The following EFHD1 variants were observed in gnomAD, a reference collection of about 807,000 sequenced individuals.
EFHD1 encodes EF-hand domain family member D1.
EFHD1 carries 10 observed loss-of-function variants against 17.2 expected under a neutral mutation model. That is an observed-to-expected ratio of 0.58 (90% CI 0.36 to 0.99). EFHD1 has a LOEUF of 0.99. Ranked by LOEUF, EFHD1 falls within the 50% of genes least tolerant of loss-of-function variation. EFHD1 has a pLI of 0.01. For missense variants in EFHD1, 310 were observed against 327.5 expected (o/e 0.95, Z 0.41); for synonymous variants, 153 against 142.0 (o/e 1.08, Z -0.55).
At chr2:232,662,387 G>T (rs758526407) in intron 1 of EFHD1, among the ~76,000 whole-genome samples, 1 of 152,168 alleles carries the variant, frequency 6.6e-6, no homozygotes, top group Non-Finnish European at 1.5e-5. Flanking sequence ...TGACCAGGAG[G>T]AGGCTCCTGG....
intron 2 of EFHD1, among the ~76,000 whole-genome samples, chr2:232,664,299 C>T (rs1166617708): frequency 2.6e-5 from 4 of 151,226 alleles, no homozygotes; most frequent in Admixed American, 6.6e-5. Context: ...CCACCATGCC[C>T]GGCTAATTGA....
At chr2:232,639,071 G>A (rs1295304510) in intron 1 of EFHD1, among the ~76,000 whole-genome samples, 1 of 152,164 alleles carries the variant, frequency 6.6e-6, no homozygotes, top group Non-Finnish European at 1.5e-5. Context: ...GGAGCTGGAA[G>A]GAGCTTCCAC....
intron 1 of EFHD1, among the ~76,000 whole-genome samples, chr2:232,651,277 T>G (rs1694649659): frequency 6.6e-6 from 1 of 152,224 alleles, no homozygotes; most frequent in Non-Finnish European, 1.5e-5. Flanking sequence ...TCTGTGGGGT[T>G]CCCTTTCTAC....
chr2:232,618,738 T>A (rs11693799), intron 1 of EFHD1, among the ~76,000 whole-genome samples: 64,410 of 146,244 alleles, frequency 0.44, 15,009 homozygotes, highest in Middle Eastern at 0.6. Flanking sequence ...AAAAAAAAAA[T>A]TTTGAAAAAA....
At chr2:232,606,254 G>A in intron 1 of EFHD1, 4 of 1,484,752 alleles carry the variant, frequency 2.7e-6, no homozygotes, top group Non-Finnish European at 2.8e-6. Context: ...CTCTGGTCCA[G>A]AATAGGTGCG....
At chr2:232,668,265 A>G (rs1220646665) in intron 2 of EFHD1, among the ~76,000 whole-genome samples, 2 of 152,260 alleles carry the variant, frequency 1.3e-5, no homozygotes, top group Non-Finnish European at 2.9e-5. Flanking sequence ...GGCATGCTTC[A>G]TGGAAGTCTG....
chr2:232,643,543 C>T (rs1203088329), intron 1 of EFHD1, among the ~76,000 whole-genome samples: 1 of 151,288 alleles, frequency 6.6e-6, no homozygotes, highest in Admixed American at 6.6e-5. Context: ...CACCCCAACA[C>T]CTGGCTAATT....
intron 1 of EFHD1, among the ~76,000 whole-genome samples, chr2:232,613,442 C>T (rs1218103131): frequency 6.6e-6 from 1 of 152,032 alleles, no homozygotes. Flanking sequence ...AGCATATGTC[C>T]ACACAAAGAC....
At chr2:232,606,560 G>T (rs189956672) in intron 1 of EFHD1, 171 of 329,678 alleles carry the variant, frequency 5.2e-4, no homozygotes, top group Admixed American at 8.2e-4. Flanking sequence ...GGGACCCTGA[G>T]CAGGTTCCTC....
chr2:232,636,998 G>C (rs1694330380), intron 1 of EFHD1, among the ~76,000 whole-genome samples: 1 of 152,080 alleles, frequency 6.6e-6, no homozygotes, highest in Non-Finnish European at 1.5e-5. Context: ...GCCCTTCCGG[G>C]TTCTGCGGAA....
At chr2:232,636,969 C>T (rs926036841) in intron 1 of EFHD1, among the ~76,000 whole-genome samples, 3 of 152,114 alleles carry the variant, frequency 2.0e-5, no homozygotes, top group African/African-American at 2.4e-5. Context: ...TTCCGGGTCC[C>T]CGTGGGACTG....
At chr2:232,652,656 A>T (rs1294019711) in intron 1 of EFHD1, among the ~76,000 whole-genome samples, 1 of 152,136 alleles carries the variant, frequency 6.6e-6, no homozygotes, top group Non-Finnish European at 1.5e-5. Context: ...GATCAAAAGG[A>T]TCAGTACATG....
intron 1 of EFHD1, among the ~76,000 whole-genome samples, chr2:232,625,619 A>G (rs963216216): frequency 2.6e-5 from 4 of 152,228 alleles, no homozygotes; most frequent in African/African-American, 9.6e-5. Flanking sequence ...GATGCTACAC[A>G]CAGAGAACAG....
chr2:232,672,314 G>T lies in EFHD1; in HGVS notation c.456G>T (p.Leu152=). The T allele has an allele frequency of 1.2e-6, 2 of 1,614,132 alleles. No homozygotes were observed. The highest frequency in any genetic ancestry group is 1.7e-6 in the Non-Finnish European group (2 of 1,180,020). ...CTACTTTCTTTCCCCTGTAGTTCCT[G>T]CTCATTTTCCACAAGGCCGCGGCAG... ...FDGKLSFREF[L]LIFHKAAAGE... Residue 152 remains leucine (L), a synonymous_variant, in exon 3 of 4, where the codon CTG becomes CTT. Coordinates refer to ENST00000264059, the MANE Select transcript of EFHD1 (RefSeq NM_025202.4).
At chr2:232,657,899 C>CTTTTTTTTTT (rs1194396166) in intron 1 of EFHD1, among the ~76,000 whole-genome samples, 69 of 100,650 alleles carry the variant, frequency 6.9e-4, no homozygotes, top group Non-Finnish European at 1.0e-3. Context: ...TCTTTCTTTT[C>CTTTTTTTTTT]TTTTTTTTTT....
At chr2:232,662,637 C>T (rs1694894109) in intron 1 of EFHD1, 165 bp from the exon 2 acceptor site, 15 of 807,612 alleles carry the variant, frequency 1.9e-5, no homozygotes, top group East Asian at 1.3e-4. Flanking sequence ...AGCCCTGAAG[C>T]GCTCTGAGGA....
Position 232,664,659 on chromosome 2 carries a change from G to T in EFHD1, c.450+1710G>T, listed in dbSNP as rs538847535. ...GATGGAGACTCGCTCTGTCACCCAGGCTGGAGTGCAGTGGTGTGATCTCGG... is the reference window on the plus strand; with the variant it reads ...GATGGAGACTCGCTCTGTCACCCAGTCTGGAGTGCAGTGGTGTGATCTCGG... On this transcript the variant is annotated intron_variant, in intron 2 of 3. Transcript: ENST00000264059. 5.1e-5 allele frequency among the ~76,000 whole-genome samples: 7 copies of T among 137,374 alleles called. No homozygotes were observed. The South Asian group carries it at 1.2e-3, about 24-fold the overall frequency. 90.1% of individuals were successfully genotyped at this position (137,374 alleles called of 152,430 possible). A position where few individuals can be genotyped will look rare whatever the true frequency, so the allele number is the denominator to read the frequency against.
intron 3 of EFHD1, among the ~76,000 whole-genome samples, chr2:232,673,434 A>G (rs1197093775): frequency 2.0e-5 from 3 of 152,122 alleles, no homozygotes; most frequent in African/African-American, 7.2e-5. Context: ...CTGGGTATTC[A>G]AGACCTGTTA....
rs1174734234 is a variant in EFHD1, at chr2:232,633,755, G to C, written c.51G>C (p.Glu17Asp). ...AGCTGGAGCGCCGGCTGCGGCGCGAGGAGGCCGAGGAGAGTGGCCCCCAGC... is the reference window on the plus strand; with the variant it reads ...AGCTGGAGCGCCGGCTGCGGCGCGACGAGGCCGAGGAGAGTGGCCCCCAGC... ...ACKLERRLRR[E>D]EAEESGPQLA... The change falls in exon 1 of 4, where the codon GAG becomes GAC. Residue 17 changes from glutamate to aspartate, a missense_variant. By Grantham distance (45) the Glu-to-Asp change is conservative. Transcript: ENST00000264059. The C allele has an allele frequency of 1.4e-6, 2 of 1,468,076 alleles. No individual in the cohort carries two copies. Among genetic ancestry groups the C allele is most frequent in the Admixed American group, 2.5e-5 (1 of 40,034 alleles). The allele number at this position is 1,468,076 out of a possible 1,614,324, so 90.9% of individuals were successfully genotyped here. A position where few individuals can be genotyped will look rare whatever the true frequency, so the allele number is the denominator to read the frequency against.
Sources: gnomAD v4.1 joint callset for allele counts (sites outside exome capture counted in the v4.1 genomes callset) on GRCh38, gnomAD v4.1.1 for gene constraint, MANE v1.5 for transcripts, NCBI Gene and HGNC (gene_info 2026-07-23, HGNC 2026-07-21) for gene names.